SCUBE3: variants seen among roughly 807,000 people sequenced by gnomAD.
The protein encoded by SCUBE3 is signal peptide, CUB and EGF-like domain-containing protein 3.
In SCUBE3, 33 loss-of-function variants were observed where a neutral mutation model predicts 116.8. The ratio of observed to expected loss-of-function variants is 0.28; its 90% CI spans 0.21 to 0.38. The LOEUF is 0.38. Ranked by LOEUF, SCUBE3 falls within the 10% of genes least tolerant of loss-of-function variation. SCUBE3 has a pLI of 1.00. For missense variants in SCUBE3, 1,007 were observed against 1,324.8 expected, an observed-to-expected ratio of 0.76 and a Z score of 3.72; for synonymous variants, 418 against 496.9, an observed-to-expected ratio of 0.84 and a Z score of 2.11.
At chr6:35,227,057 G>C (rs770287167) in intron 1 of SCUBE3, among the ~76,000 whole-genome samples, 5 of 152,142 alleles carry the variant, frequency 3.3e-5, no homozygotes, top group Admixed American at 6.5e-5. Flanking sequence ...TGGCTCCATG[G>C]TGGGCAAGTG....
At position 35,214,030 on chromosome 6, in the gene SCUBE3, T is replaced by G. The variant is rs948537314; in HGVS notation, c.-389T>G. 6.6e-6 allele frequency among the ~76,000 whole-genome samples: 1 copy of G among 152,060 alleles called. No individual in the cohort carries two copies. Among genetic ancestry groups the G allele is most frequent in the Admixed American group, 6.5e-5 (1 of 15,282 alleles). On this transcript the variant is annotated 5_prime_UTR_variant, in exon 1 of 22. Transcript: ENST00000274938. The surrounding 1 kb of genome is among the most constrained non-coding windows in gnomAD (Gnocchi z 6.3). ...TTTCCCCTCCCCTTTCTCAGGTCCT[T>G]CGCTCGGGCTCTGCGCGCTCTCCGG...
At chr6:35,215,025 A>G (rs1383812286) in intron 1 of SCUBE3, among the ~76,000 whole-genome samples, 2 of 152,212 alleles carry the variant, frequency 1.3e-5, no homozygotes, top group African/African-American at 4.8e-5. Flanking sequence ...TGGAAAAATC[A>G]ACTCATCTCT....
In SCUBE3 at chr6:35,246,060, G is replaced by A. The variant is rs796646971; in HGVS notation, c.2716G>A (p.Ala906Thr). 31 of 1,614,018 alleles carry A rather than the reference G, an allele frequency of 1.9e-5. No individual in the cohort carries two copies. Among genetic ancestry groups the A allele is most frequent in the African/African-American group, 5.3e-5 (4 of 74,896 alleles). ...INFKTSEANS[A>T]RGFQIPYVTY... Reference sequence around the variant, plus strand: ...CTTCAAGACAAGCGAGGCCAACAGCGCCCGTGGCTTCCAGATTCCCTATGT... The same window carrying A: ...CTTCAAGACAAGCGAGGCCAACAGCACCCGTGGCTTCCAGATTCCCTATGT... The change falls in exon 20 of 22, where the codon GCC becomes ACC. Residue 906 changes from alanine (A) to threonine (T), a missense_variant. Coordinates refer to ENST00000274938, the MANE Select transcript of SCUBE3 (RefSeq NM_152753.4).
Position 35,251,097 on chromosome 6 carries a change from TCTGA to T in SCUBE3, c.*2395_*2398del, listed in dbSNP as rs1263691251. 1 of 151,742 alleles carries T rather than the reference TCTGA, an allele frequency of 6.6e-6. No individual in the cohort carries two copies. Among genetic ancestry groups the T allele is most frequent in the Non-Finnish European group, 1.5e-5 (1 of 67,928 alleles). The allele number at this position is 151,742 out of a possible 1,614,324, so 9.4% of individuals were successfully genotyped here. A position where few individuals can be genotyped will look rare whatever the true frequency, so the allele number is the denominator to read the frequency against. ...CACCATGAAAACTGCTTTAATCAAC[TCTGA>T]CTATCCTAATTCTCCACCAGAAGCT... On this transcript the variant is annotated 3_prime_UTR_variant, in exon 22 of 22. Coordinates refer to ENST00000274938, the MANE Select transcript of SCUBE3 (RefSeq NM_152753.4).
rs1418281496 is a variant in SCUBE3 at position 35,232,140 on chromosome 6, G to A, written c.469+281G>A. 2.0e-5 allele frequency among the ~76,000 whole-genome samples: 3 copies of A among 152,178 alleles called. 1 individual carries two copies. Among genetic ancestry groups the A allele is most frequent in the South Asian group, 4.1e-4 (2 of 4,826 alleles). Reference sequence around the variant, plus strand: ...GAGGTGGATGTTGTCCCTAATTGTAGATGGCTGAGCTTCTCTAAGCTGCTG... The same window carrying A: ...GAGGTGGATGTTGTCCCTAATTGTAAATGGCTGAGCTTCTCTAAGCTGCTG... On this transcript the variant is annotated intron_variant, in intron 4 of 21. Coordinates refer to ENST00000274938, the MANE Select transcript of SCUBE3 (RefSeq NM_152753.4). The surrounding 1 kb of genome is among the most constrained non-coding windows in gnomAD (Gnocchi z 4.2).
intron 13 of SCUBE3, 92 bp downstream of exon 13, chr6:35,242,412 C>T: frequency 9.6e-7 from 1 of 1,038,924 alleles, no homozygotes; most frequent in Non-Finnish European, 1.5e-6. Context: ...CCACCAGAAC[C>T]CTGAACTCTA....
rs764779695 is a variant in SCUBE3 at position 35,226,480 on chromosome 6, C to CTTTTTTTTTTTTTTTTTT, written c.86-1095_86-1078dup. Among the ~76,000 whole-genome samples the CTTTTTTTTTTTTTTTTTT allele has an allele frequency of 3.8e-3, 325 of 85,224 alleles. 34 individuals are homozygous for CTTTTTTTTTTTTTTTTTT. Among genetic ancestry groups the CTTTTTTTTTTTTTTTTTT allele is most frequent in the East Asian group, 0.028 (56 of 2,016 alleles). The allele number at this position is 85,224 out of a possible 152,430, so 55.9% of individuals were successfully genotyped here. On this transcript the variant is annotated intron_variant, in intron 1 of 21. Coordinates refer to ENST00000274938, the MANE Select transcript of SCUBE3 (RefSeq NM_152753.4). ...CAGAAGTTGGACTCTTTTCTATGTC[C>CTTTTTTTTTTTTTTTTTT]TTTTTTTTTTTTTTTTTTTTTTGAG... is the stretch of plus-strand genomic sequence containing the variant.
chr6:35,245,130 T>G lies in SCUBE3; in HGVS notation c.2402-98T>G. The G allele has an allele frequency of 9.2e-7, 1 of 1,087,990 alleles. No homozygotes were observed. The highest frequency in any genetic ancestry group is 1.4e-6 in the Non-Finnish European group (1 of 718,330). The allele number at this position is 1,087,990 out of a possible 1,614,324, so 67.4% of individuals were successfully genotyped here. ...AACTAGAACGCAGACTTCCCATAAA[T>G]GTCTGACCTCTACTTCAGAACTCTT... On this transcript the variant is annotated intron_variant, in intron 18 of 21. Transcript: ENST00000274938. This position sits in a 1 kb window ranked among gnomAD's most constrained non-coding sequence, Gnocchi z 4.2.
chr6:35,242,146 G>C, intron 12 of SCUBE3, 58 bp from the exon 13 acceptor site: 1 of 1,283,332 alleles, frequency 7.8e-7, no homozygotes, highest in Non-Finnish European at 1.1e-6. Context: ...CAACCCCTAC[G>C]GCACCCCCGA....
chr6:35,237,492 T>C (rs753251012), intron 6 of SCUBE3, among the ~76,000 whole-genome samples: 28 of 152,000 alleles, frequency 1.8e-4, no homozygotes, highest in Admixed American at 3.3e-4. Context: ...ACCAAAGACA[T>C]AGTGGAAAGA....
At chr6:35,220,089 C>T (rs574316888) in intron 1 of SCUBE3, among the ~76,000 whole-genome samples, 3 of 152,314 alleles carry the variant, frequency 2.0e-5, no homozygotes, top group South Asian at 4.1e-4. Flanking sequence ...TTCCGCTCCA[C>T]GGTTATATAC....
rs1784024091 is a variant in SCUBE3, at chr6:35,241,105, A to G, written c.1070-36A>G. ...ACTCTCCGGCTCCTCCTCCAACTCC[A>G]TCGTTGTTTTTCTGTCTCCCTACTC... On this transcript the variant is annotated intron_variant, in intron 9 of 21. Transcript: ENST00000274938. The surrounding 1 kb of genome is among the most constrained non-coding windows in gnomAD (Gnocchi z 4.1). 1 of 1,562,210 alleles carries G rather than the reference A, an allele frequency of 6.4e-7. No homozygotes were observed. The highest frequency in any genetic ancestry group is 8.7e-7 in the Non-Finnish European group (1 of 1,145,482).
chr6:35,225,078 ATACTGTCTCGAGCATCTAT>A (rs530807421), intron 1 of SCUBE3, among the ~76,000 whole-genome samples: 284 of 152,334 alleles, frequency 1.9e-3, no homozygotes, highest in African/African-American at 6.4e-3. Context: ...AGTGGCTGTC[ATACTGTCTCGAGCATCTAT>A]TGCCTGACCA....
intron 2 of SCUBE3, 133 bp downstream of exon 2, chr6:35,227,835 G>A: frequency 1.1e-6 from 1 of 916,340 alleles, no homozygotes. Context: ...GGGGTGGTGA[G>A]GGGGGCAACT....
At chr6:35,226,480 C>CTTTTTTTTTTTT (rs764779695) in intron 1 of SCUBE3, among the ~76,000 whole-genome samples, 20 of 85,232 alleles carry the variant, frequency 2.3e-4, no homozygotes, top group East Asian at 9.9e-4. Context: ...TTTCTATGTC[C>CTTTTTTTTTTTT]TTTTTTTTTT....
At position 35,244,905 on chromosome 6, in the gene SCUBE3, C is replaced by A; in HGVS notation, c.2401+94C>A. The A allele has an allele frequency of 2.3e-6, 3 of 1,279,120 alleles. No individual in the cohort carries two copies. The highest frequency in any genetic ancestry group is 3.3e-6 in the Non-Finnish European group (3 of 899,712). The allele number at this position is 1,279,120 out of a possible 1,614,324, so 79.2% of individuals were successfully genotyped here. ...GGTGTGAAACCAACAGGGAGCAGGG[C>A]TGGGGGGTGGAGGAGCAGGAAAACT... On this transcript the variant is annotated intron_variant, in intron 18 of 21. Transcript: ENST00000274938. This position sits in a 1 kb window ranked among gnomAD's most constrained non-coding sequence, Gnocchi z 4.3.
chr6:35,230,181 G>A (rs1783485364), intron 3 of SCUBE3, among the ~76,000 whole-genome samples: 1 of 152,132 alleles, frequency 6.6e-6, no homozygotes, highest in Non-Finnish European at 1.5e-5. Context: ...ACCCTTGAGG[G>A]CCTCTTATGA....
intron 3 of SCUBE3, among the ~76,000 whole-genome samples, chr6:35,229,399 C>G (rs1358582674): frequency 6.6e-6 from 1 of 152,068 alleles, no homozygotes; most frequent in African/African-American, 2.4e-5. Context: ...AATCTTATCT[C>G]AAAAAATAAC....
chr6:35,241,733 A>AT lies in SCUBE3; in HGVS notation c.1313-71dup. ...GACTGGCCGTTCAGGCAGCTCCTTCATTCCCCCTGGATTCCTCCAGCCAGC... is the reference window on the plus strand; with the variant it reads ...GACTGGCCGTTCAGGCAGCTCCTTCATTTCCCCCTGGATTCCTCCAGCCAGC... On this transcript the variant is annotated intron_variant, in intron 11 of 21. Transcript: ENST00000274938. This position sits in a 1 kb window ranked among gnomAD's most constrained non-coding sequence, Gnocchi z 4.1. The AT allele has an allele frequency of 1.3e-6, 2 of 1,503,824 alleles. No individual in the cohort carries two copies. The highest frequency in any genetic ancestry group is 1.9e-6 in the Non-Finnish European group (2 of 1,079,438). The allele number at this position is 1,503,824 out of a possible 1,614,324, so 93.2% of individuals were successfully genotyped here. A position where few individuals can be genotyped will look rare whatever the true frequency, so the allele number is the denominator to read the frequency against.
Sources: allele counts gnomAD v4.1 joint callset (sites outside exome capture counted in the v4.1 genomes callset), GRCh38; gene constraint gnomAD v4.1.1; non-coding constraint Gnocchi (gnomAD v3.1); transcripts MANE v1.5; gene names NCBI Gene and HGNC (gene_info 2026-07-23, HGNC 2026-07-21).